Variants in POGZ observed in about 807,000 individuals in gnomAD.
POGZ encodes pogo transposable element derived with ZNF domain.
A neutral mutation model predicts 134.6 loss-of-function variants in POGZ; 17 were observed. The ratio of observed to expected loss-of-function variants is 0.13; its 90% CI spans 0.09 to 0.19. POGZ has a LOEUF of 0.19. Among genes scored for constraint, POGZ ranks in the 10% least tolerant of loss-of-function variants. The pLI is 1.00. For missense variants in POGZ, 1,306 were observed against 1,769.7 expected, an observed-to-expected ratio of 0.74 and a Z score of 4.70; for synonymous variants, 693 against 657.1, an observed-to-expected ratio of 1.05 and a Z score of -0.84.
intron 1 of POGZ, among the ~76,000 whole-genome samples, chr1:151,458,577 C>CGCA (rs1404924462): frequency 6.6e-6 from 1 of 150,476 alleles, no homozygotes; most frequent in East Asian, 1.9e-4. Context: ...GGGAGGGCCG[C>CGCA]GCACCCCCAC....
intron 3 of POGZ, among the ~76,000 whole-genome samples, chr1:151,432,509 G>A (rs999703837): frequency 1.3e-5 from 2 of 152,146 alleles, no homozygotes; most frequent in African/African-American, 4.8e-5. Flanking sequence ...TTCTATCCAT[G>A]TTAAACTATA....
At chr1:151,441,681 A>T (rs1472553868) in intron 2 of POGZ, among the ~76,000 whole-genome samples, 1 of 152,194 alleles carries the variant, frequency 6.6e-6, no homozygotes, top group Non-Finnish European at 1.5e-5. Flanking sequence ...CCACTCACAA[A>T]GGAAACCAAG....
intron 10 of POGZ, among the ~76,000 whole-genome samples, chr1:151,419,861 G>A (rs1656586321): frequency 6.6e-6 from 1 of 151,974 alleles, no homozygotes; most frequent in Non-Finnish European, 1.5e-5. Context: ...AGATCAATGA[G>A]GGTCTACATT....
At chr1:151,409,192 G>A (rs943280328) in intron 12 of POGZ, among the ~76,000 whole-genome samples, 1 of 152,046 alleles carries the variant, frequency 6.6e-6, no homozygotes, top group African/African-American at 2.4e-5. Flanking sequence ...TTTTAAAAAA[G>A]GACAATGTAC....
chr1:151,423,608 G>A, intron 9 of POGZ, 57 bp from the exon 10 acceptor site: 4 of 1,364,628 alleles, frequency 2.9e-6, no homozygotes, highest in South Asian at 2.5e-5. Flanking sequence ...TAGCCTTTTA[G>A]AAATATAATG....
chr1:151,410,769 C>G (rs866944931), intron 12 of POGZ, among the ~76,000 whole-genome samples: 1 of 152,198 alleles, frequency 6.6e-6, no homozygotes, highest in Non-Finnish European at 1.5e-5. Context: ...GATCTCCCCC[C>G]TCACAAATAT....
In POGZ at chr1:151,441,076, G is replaced by A. The variant is rs767457108; in HGVS notation, c.135C>T (p.Ser45=). 1.2e-6 allele frequency: 2 copies of A among 1,613,404 alleles called. No individual in the cohort carries two copies. Among genetic ancestry groups the A allele is most frequent in the Non-Finnish European group, 1.7e-6 (2 of 1,179,630 alleles). The change falls in exon 3 of 19, where the codon AGC becomes AGT. Residue 45 remains serine, a synonymous_variant. Coordinates refer to ENST00000271715, the MANE Select transcript of POGZ (RefSeq NM_015100.4). ...GCACTGGAGCCGAGACTGGCTGCTGGCTCACAGAAACTGTGGGGAAGGGGA... is the reference window on the plus strand; with the variant it reads ...GCACTGGAGCCGAGACTGGCTGCTGACTCACAGAAACTGTGGGGAAGGGGA... ...SVDKTTTVSV[S]QQPVSAPVPI...
At position 151,405,300 on chromosome 1, in the gene POGZ, G is replaced by A; in HGVS notation, c.3735C>T (p.Ala1245=). Residue 1245 remains alanine (A), a synonymous_variant, in exon 19 of 19, where the codon GCC becomes GCT. Transcript: ENST00000271715. This position sits in a 1 kb window ranked among gnomAD's most constrained non-coding sequence, Gnocchi z 4.9. ...GGACCACTGCAGGCAAAGTGCTAGA[G>A]GCACTAAGCATAGCCAGTACCTCTT... ...LSEEVLAMLS[A]SSTLPAVVPA... is the part of the protein sequence containing the mutation. 2 of 1,614,204 alleles carry A rather than the reference G, an allele frequency of 1.2e-6. No individual in the cohort carries two copies. Among genetic ancestry groups the A allele is most frequent in the Non-Finnish European group, 1.7e-6 (2 of 1,180,006 alleles).
intron 11 of POGZ, 133 bp downstream of exon 11, chr1:151,412,163 T>G (rs1388621280): frequency 3.5e-6 from 2 of 569,566 alleles, no homozygotes; most frequent in Non-Finnish European, 6.2e-6. Context: ...CTGTGTTTAC[T>G]ATTTCTTCTG....
intron 3 of POGZ, among the ~76,000 whole-genome samples, chr1:151,437,965 T>C (rs1571514436): frequency 6.6e-6 from 1 of 151,998 alleles, no homozygotes; most frequent in Non-Finnish European, 1.5e-5. Flanking sequence ...TCCCAGCACT[T>C]TGGGAGGCCG....
rs1464178625 is a variant in POGZ at position 151,428,018 on chromosome 1, C to A, written c.883G>T (p.Ala295Ser). ...KLAPSFPSPPAVSIASFVTVK... is the reference protein window; with the variant it reads ...KLAPSFPSPPSVSIASFVTVK... ...GTGACAAAGCTGGCAATGCTCACTG[C>A]AGGTGGAGAGGGGAAGGAGGGAGCT... The change falls in exon 7 of 19, where the codon GCA (alanine) becomes TCA (serine). Residue 295 changes from alanine to serine, a missense_variant. Transcript: ENST00000271715. The A allele has an allele frequency of 7.4e-6, 12 of 1,614,218 alleles. No homozygotes were observed. The highest frequency in any genetic ancestry group is 6.8e-6 in the Non-Finnish European group (8 of 1,180,034).
At chr1:151,409,247 T>C (rs1053645644) in intron 12 of POGZ, among the ~76,000 whole-genome samples, 1 of 152,238 alleles carries the variant, frequency 6.6e-6, no homozygotes, top group South Asian at 2.1e-4. Flanking sequence ...TCTTCCAACT[T>C]TGCTTTCAAC....
intron 10 of POGZ, among the ~76,000 whole-genome samples, chr1:151,417,729 C>A (rs866935484): frequency 1.7e-5 from 2 of 120,692 alleles, no homozygotes; most frequent in Non-Finnish European, 3.4e-5. Flanking sequence ...CACACACACA[C>A]AAAAGGCCTT....
chr1:151,447,451 A>T (rs1187792499), intron 1 of POGZ, among the ~76,000 whole-genome samples: 3 of 151,784 alleles, frequency 2.0e-5, no homozygotes, highest in Non-Finnish European at 4.4e-5. Flanking sequence ...TCATTATCCC[A>T]ATTTCTTTTT....
rs942459237 is a variant in POGZ at position 151,414,176 on chromosome 1, G to C, written c.1679-1780C>G. On this transcript the variant is annotated intron_variant, in intron 10 of 18. Transcript: ENST00000271715. ...CTCAGCCAGCCAGAGAGAGGACCAA[G>C]AGAAAAGCAGGAGGAAAGGCAAGTA... is the stretch of plus-strand genomic sequence containing the variant. 7.2e-5 allele frequency among the ~76,000 whole-genome samples: 11 copies of C among 152,320 alleles called. No individual in the cohort carries two copies. The East Asian group carries it at 1.9e-3, about 27-fold the overall frequency.
At chr1:151,412,037 C>T (rs1408241912) in intron 11 of POGZ, among the ~76,000 whole-genome samples, 1 of 152,100 alleles carries the variant, frequency 6.6e-6, no homozygotes, top group East Asian at 1.9e-4. Context: ...TGTCAATTTC[C>T]AAAGGGCACG....
At chr1:151,432,265 T>G (rs1204158712) in intron 3 of POGZ, among the ~76,000 whole-genome samples, 1 of 152,110 alleles carries the variant, frequency 6.6e-6, no homozygotes, top group Non-Finnish European at 1.5e-5. Flanking sequence ...CAGAATGGGA[T>G]GGGCCCCTCT....
chr1:151,445,017 TGAGCTGGA>T (rs924877600), intron 1 of POGZ, among the ~76,000 whole-genome samples: 1 of 151,936 alleles, frequency 6.6e-6, no homozygotes, highest in Non-Finnish European at 1.5e-5. Context: ...CACTCCAGCC[TGAGCTGGA>T]GAGCTGGAGA....
At chr1:151,449,281 A>T (rs1025105890) in intron 1 of POGZ, among the ~76,000 whole-genome samples, 1 of 152,236 alleles carries the variant, frequency 6.6e-6, no homozygotes, top group Non-Finnish European at 1.5e-5. Flanking sequence ...AGGAATCTTC[A>T]TAAGTGACAG....
Sources: allele counts gnomAD v4.1 joint callset (sites outside exome capture counted in the v4.1 genomes callset), GRCh38; gene constraint gnomAD v4.1.1; non-coding constraint Gnocchi (gnomAD v3.1); transcripts MANE v1.5; gene names NCBI Gene and HGNC (gene_info 2026-07-23, HGNC 2026-07-21).